Variants in FRYL observed in about 807,000 individuals in gnomAD.
The protein encoded by FRYL is protein furry homolog-like.
Under a neutral mutation model 351.2 loss-of-function variants are expected in FRYL, and 150 were observed. That is an observed-to-expected ratio of 0.43 (90% CI 0.37 to 0.49). FRYL has a LOEUF of 0.49. Among genes scored for constraint, FRYL ranks in the 20% least tolerant of loss-of-function variants. FRYL has a pLI of 0.00. For missense variants in FRYL, 3,036 were observed against 3,619.3 expected (o/e 0.84, Z 4.13); for synonymous variants, 1,153 against 1,257.1 (o/e 0.92, Z 1.75).
intron 3 of FRYL, among the ~76,000 whole-genome samples, chr4:48,639,049 T>C (rs565237866): frequency 1.6e-4 from 24 of 152,150 alleles, no homozygotes; most frequent in South Asian, 8.3e-4. Context: ...GGCATGTGTA[T>C]ACCTATGTAA....
At chr4:48,627,571 C>G (rs1752078193) in intron 4 of FRYL, among the ~76,000 whole-genome samples, 1 of 151,830 alleles carries the variant, frequency 6.6e-6, no homozygotes, top group African/African-American at 2.4e-5. Context: ...GTTGTTTTTT[C>G]CATAAGAACT....
intron 3 of FRYL, among the ~76,000 whole-genome samples, chr4:48,671,889 A>AAAAAAAAG (rs1762816111): frequency 6.7e-6 from 1 of 148,514 alleles, no homozygotes; most frequent in Non-Finnish European, 1.5e-5. Context: ...AAAAAAAAAA[A>AAAAAAAAG]AAGAAGGAAA....
chr4:48,614,975 C>T (rs1310734536), intron 7 of FRYL, among the ~76,000 whole-genome samples: 3 of 151,450 alleles, frequency 2.0e-5, no homozygotes, highest in Admixed American at 6.6e-5. Flanking sequence ...TACAGGCGCC[C>T]GCCAACACGC....
intron 1 of FRYL, among the ~76,000 whole-genome samples, chr4:48,728,065 C>G (rs561708567): frequency 1.5e-4 from 23 of 152,264 alleles, no homozygotes; most frequent in Non-Finnish European, 3.2e-4. Flanking sequence ...TAAACAGCTC[C>G]TTTTACACAG....
At chr4:48,745,492 T>A (rs1276174118) in intron 1 of FRYL, among the ~76,000 whole-genome samples, 4 of 152,034 alleles carry the variant, frequency 2.6e-5, no homozygotes, top group African/African-American at 9.7e-5. Context: ...CTCAGCAAAC[T>A]TATCGCAAGG....
chr4:48,607,429 AT>A (rs1262046760), intron 9 of FRYL, among the ~76,000 whole-genome samples: 1 of 152,120 alleles, frequency 6.6e-6, no homozygotes, highest in Non-Finnish European at 1.5e-5. Flanking sequence ...ATATGATACC[AT>A]TTTTCATGAC....
At chr4:48,578,347 G>C (rs1049868767) in intron 23 of FRYL, among the ~76,000 whole-genome samples, 1 of 152,140 alleles carries the variant, frequency 6.6e-6, no homozygotes, top group Admixed American at 6.5e-5. Context: ...CATTCAATGT[G>C]ATCAGTGGTG....
chr4:48,573,039 A>C, intron 26 of FRYL, 147 bp downstream of exon 26: 1 of 597,628 alleles, frequency 1.7e-6, no homozygotes, highest in Non-Finnish European at 2.9e-6. Flanking sequence ...GTTTCTGCAT[A>C]AGATCTTCTG....
At chr4:48,518,674 A>G (rs1724186523) in intron 55 of FRYL, among the ~76,000 whole-genome samples, 1 of 152,092 alleles carries the variant, frequency 6.6e-6, no homozygotes, top group African/African-American at 2.4e-5. Flanking sequence ...CAGATATATC[A>G]GGGCCTTTTA....
chr4:48,661,749 A>G (rs1183687618), intron 3 of FRYL, among the ~76,000 whole-genome samples: 1 of 152,246 alleles, frequency 6.6e-6, no homozygotes, highest in East Asian at 1.9e-4. Flanking sequence ...AATGTGTCCT[A>G]TAAAACCAGT....
intron 2 of FRYL, among the ~76,000 whole-genome samples, chr4:48,693,622 TAAA>T (rs78951413): frequency 1.5e-5 from 2 of 137,128 alleles, no homozygotes; most frequent in Non-Finnish European, 1.6e-5. Context: ...TTCAGCGATT[TAAA>T]AAAAAAAAAA....
intron 3 of FRYL, among the ~76,000 whole-genome samples, chr4:48,671,125 T>G (rs1762591875): frequency 6.6e-6 from 1 of 152,198 alleles, no homozygotes; most frequent in Non-Finnish European, 1.5e-5. Context: ...CTGCCTGTCT[T>G]TTGGATAAAA....
At chr4:48,756,164 T>C (rs1773750515) in intron 1 of FRYL, among the ~76,000 whole-genome samples, 1 of 149,262 alleles carries the variant, frequency 6.7e-6, no homozygotes, top group African/African-American at 2.5e-5. Context: ...AGCTGGGAGG[T>C]CAAGGCTGCA....
intron 26 of FRYL, chr4:48,571,970 C>G (rs1350984830): frequency 1.1e-5 from 11 of 985,248 alleles, no homozygotes; most frequent in African/African-American, 3.5e-5. Flanking sequence ...TCATCCAGCA[C>G]TGTAACCAAA....
At chr4:48,524,617 T>C (rs1460163622) in intron 53 of FRYL, among the ~76,000 whole-genome samples, 1 of 152,176 alleles carries the variant, frequency 6.6e-6, no homozygotes, top group East Asian at 1.9e-4. Context: ...TATCGCTGAT[T>C]TGGCGTAATT....
rs566573073 is a variant in FRYL at position 48,559,981 on chromosome 4, C to T, written c.3865+1487G>A. On this transcript the variant is annotated intron_variant, in intron 33 of 63. Transcript: ENST00000358350. ...TGAGGCTACAGAAAGGAAATTGATACTAGTGGAGTGTGAAGGCCATCTGTG... is the reference window on the plus strand; with the variant it reads ...TGAGGCTACAGAAAGGAAATTGATATTAGTGGAGTGTGAAGGCCATCTGTG... 1.1e-4 allele frequency among the ~76,000 whole-genome samples: 16 copies of T among 152,146 alleles called. No homozygotes were observed. The South Asian group carries it at 3.3e-3, about 32-fold the overall frequency.
At chr4:48,593,481 A>C (rs1743950138) in intron 16 of FRYL, among the ~76,000 whole-genome samples, 2 of 151,982 alleles carry the variant, frequency 1.3e-5, no homozygotes, top group South Asian at 2.1e-4. Context: ...AGTAGCTGGG[A>C]TTACAGGCAT....
At chr4:48,662,962 A>C (rs1326970962) in intron 3 of FRYL, among the ~76,000 whole-genome samples, 3 of 152,156 alleles carry the variant, frequency 2.0e-5, no homozygotes. Flanking sequence ...TCTGCACTAC[A>C]AAAAATAAAA....
At chr4:48,578,829 C>G (rs1231896455) in intron 23 of FRYL, 144 bp downstream of exon 23, 1 of 649,224 alleles carries the variant, frequency 1.5e-6, no homozygotes. Context: ...TGACAACATT[C>G]TTCTCCCTCC....
Sources: allele counts gnomAD v4.1 joint callset (sites outside exome capture counted in the v4.1 genomes callset), GRCh38; gene constraint gnomAD v4.1.1; transcripts MANE v1.5; gene names NCBI Gene and HGNC (gene_info 2026-07-23, HGNC 2026-07-21).